The following PHF2 variants were observed in gnomAD, a reference collection of about 807,000 sequenced individuals.
PHF2 encodes the protein PHD finger protein 2.
A neutral mutation model predicts 120.5 loss-of-function variants in PHF2; 27 were observed. The observed-to-expected ratio is 0.22, with a 90% CI of 0.17 to 0.31. The LOEUF (loss-of-function observed/expected upper bound fraction) is 0.31. Ranked by LOEUF, PHF2 falls within the 10% of genes least tolerant of loss-of-function variation. PHF2 has a pLI of 1.00. For synonymous variants in PHF2, 568 were observed against 592.5 expected, an observed-to-expected ratio of 0.96 and a Z score of 0.60; for missense variants, 1,024 against 1,434.8, an observed-to-expected ratio of 0.71 and a Z score of 4.63.
At chr9:93,614,902 GTGA>G (rs1175294478) in intron 1 of PHF2, among the ~76,000 whole-genome samples, 3 of 150,894 alleles carry the variant, frequency 2.0e-5, no homozygotes, top group East Asian at 2.0e-4. Context: ...GGTAATGATG[GTGA>G]TGATGGTGAT....
chr9:93,615,386 AGT>A (rs150911430), intron 1 of PHF2, among the ~76,000 whole-genome samples: 2,793 of 152,084 alleles, frequency 0.018, 76 homozygotes, highest in East Asian at 0.1. Flanking sequence ...TGATGGTGAC[AGT>A]GATGATGATG....
chr9:93,630,125 G>A, intron 2 of PHF2, 70 bp downstream of exon 2: 1 of 1,468,736 alleles, frequency 6.8e-7, no homozygotes, highest in Non-Finnish European at 9.5e-7. Flanking sequence ...GGGCTGCGTG[G>A]AGGGTGAGGT....
intron 15 of PHF2, 23 bp downstream of exon 15, chr9:93,665,887 G>A (rs1449551971): frequency 6.2e-7 from 1 of 1,612,918 alleles, no homozygotes; most frequent in Admixed American, 1.7e-5. Context: ...GGGGTGTTGG[G>A]GGAGGGGTGT....
At chr9:93,668,475 C>T (rs1372846387) in intron 17 of PHF2, among the ~76,000 whole-genome samples, 2 of 152,020 alleles carry the variant, frequency 1.3e-5, no homozygotes, top group African/African-American at 2.4e-5. Flanking sequence ...AGGCCCCTCC[C>T]GAGGTCCATG....
chr9:93,581,861 A>C (rs1034806008), intron 1 of PHF2, among the ~76,000 whole-genome samples: 2 of 152,066 alleles, frequency 1.3e-5, no homozygotes, highest in African/African-American at 4.8e-5. Flanking sequence ...TAAAAGAGTG[A>C]GTTTTTCTGG....
intron 3 of PHF2, among the ~76,000 whole-genome samples, chr9:93,640,989 G>A (rs1417183259): frequency 2.0e-5 from 3 of 152,294 alleles, no homozygotes; most frequent in African/African-American, 7.2e-5. Flanking sequence ...GTCTGTGTCT[G>A]CAGCTCTCTC....
At chr9:93,589,862 G>A (rs1216355112) in intron 1 of PHF2, among the ~76,000 whole-genome samples, 1 of 152,128 alleles carries the variant, frequency 6.6e-6, no homozygotes, top group African/African-American at 2.4e-5. Flanking sequence ...CACACAAACA[G>A]CAGTGCGCTG....
chr9:93,663,008 G>A lies in PHF2; in HGVS notation c.1800G>A (p.Glu600=), dbSNP rs1438968780. ...GAGAGCAAACCAAGAGCAAGTCAGA[G>A]GCCAAGTGGAAGTACAAGGTGAGAA... ...EIREQTKSKS[E]AKWKYKNSKP... The change falls in exon 13 of 22, where the codon GAG becomes GAA. Residue 600 remains glutamate (E), a synonymous_variant. Coordinates refer to ENST00000359246, the MANE Select transcript of PHF2 (RefSeq NM_005392.4). 8 of 1,614,166 alleles carry A rather than the reference G, an allele frequency of 5.0e-6. No homozygotes were observed. Among genetic ancestry groups the A allele is most frequent in the Non-Finnish European group, 6.8e-6 (8 of 1,180,010 alleles).
Position 93,658,226 on chromosome 9 carries a change from C to T in PHF2, c.1229C>T (p.Thr410Met), listed in dbSNP as rs745390751. The T allele has an allele frequency of 2.3e-5, 37 of 1,611,002 alleles. No homozygotes were observed. The Admixed American group carries it at 3.8e-4, about 17-fold the overall frequency. The change falls in exon 10 of 22, where the codon ACG becomes ATG. Residue 410 changes from threonine (T) to methionine (M), a missense_variant. Physicochemically the swap from Thr to Met is moderately conservative, Grantham distance 81. Coordinates refer to ENST00000359246, the MANE Select transcript of PHF2 (RefSeq NM_005392.4). ...CTCAATGGTGCTTTCCGATCGTGGA[C>T]GAAGAAGCAGGTAGGAATCATGTCA... ...KILNGAFRSW[T>M]KKQALAEHED...
At chr9:93,649,246 G>C (rs41305607) in intron 5 of PHF2, 34 bp downstream of exon 5, 1 of 1,537,302 alleles carries the variant, frequency 6.5e-7, no homozygotes. Flanking sequence ...GTGGGGGCTG[G>C]GGTTGGGGCA....
intron 1 of PHF2, among the ~76,000 whole-genome samples, chr9:93,603,598 C>A (rs1205422388): frequency 6.6e-6 from 1 of 152,118 alleles, no homozygotes; most frequent in Admixed American, 6.5e-5. Context: ...CGATGCAGAC[C>A]TTATGGGGCC....
At chr9:93,580,342 TG>T (rs922846992) in intron 1 of PHF2, among the ~76,000 whole-genome samples, 1 of 152,196 alleles carries the variant, frequency 6.6e-6, no homozygotes, top group African/African-American at 2.4e-5. Context: ...CTGCCTCATT[TG>T]GTGGGGATGT....
intron 1 of PHF2, among the ~76,000 whole-genome samples, chr9:93,585,462 G>T (rs1188184447): frequency 6.6e-6 from 1 of 152,252 alleles, no homozygotes; most frequent in Non-Finnish European, 1.5e-5. Flanking sequence ...CAGCCGCTCT[G>T]TGTGGGCAGC....
chr9:93,634,935 A>G (rs1826065351), intron 2 of PHF2, among the ~76,000 whole-genome samples: 2 of 152,214 alleles, frequency 1.3e-5, no homozygotes, highest in African/African-American at 4.8e-5. Context: ...GTGCCAACCT[A>G]CATCCCACAG....
At chr9:93,580,265 G>T (rs1245574330) in intron 1 of PHF2, among the ~76,000 whole-genome samples, 1 of 152,244 alleles carries the variant, frequency 6.6e-6, no homozygotes, top group Non-Finnish European at 1.5e-5. Flanking sequence ...ACCTGGGAGG[G>T]ATGGATTTTT....
At chr9:93,673,057 A>G (rs1235295139) in intron 17 of PHF2, among the ~76,000 whole-genome samples, 1 of 151,824 alleles carries the variant, frequency 6.6e-6, no homozygotes, top group East Asian at 1.9e-4. Flanking sequence ...CACTGGGGAA[A>G]GCGTGTGCCA....
In PHF2 at chr9:93,656,216, G is replaced by A. The variant is rs924993783; in HGVS notation, c.1040+195G>A. 3.3e-5 allele frequency among the ~76,000 whole-genome samples: 5 copies of A among 152,148 alleles called. No homozygotes were observed. Among genetic ancestry groups the A allele is most frequent in the African/African-American group, 9.7e-5 (4 of 41,432 alleles). ...GGTGGGCCCTGGGTTCATGCAGGCCGGCTCCTCAAGGGACCTGGCTGCTGG... is the reference window on the plus strand; with the variant it reads ...GGTGGGCCCTGGGTTCATGCAGGCCAGCTCCTCAAGGGACCTGGCTGCTGG... On this transcript the variant is annotated intron_variant, in intron 8 of 21. Transcript: ENST00000359246. This position sits in a 1 kb window ranked among gnomAD's most constrained non-coding sequence, Gnocchi z 4.1.
At chr9:93,651,215 G>A (rs1320731082) in intron 5 of PHF2, among the ~76,000 whole-genome samples, 2 of 152,136 alleles carry the variant, frequency 1.3e-5, no homozygotes, top group Non-Finnish European at 1.5e-5. Flanking sequence ...TATTGCTTTG[G>A]TACCAAACAA....
intron 20 of PHF2, 127 bp from the exon 21 acceptor site, chr9:93,676,466 GC>G: frequency 8.7e-7 from 1 of 1,155,400 alleles, no homozygotes; most frequent in South Asian, 1.6e-5. Context: ...CCAGAGTCAG[GC>G]CTCAGGCCCC....
Sources: allele counts gnomAD v4.1 joint callset (sites outside exome capture counted in the v4.1 genomes callset), GRCh38; gene constraint gnomAD v4.1.1; non-coding constraint Gnocchi (gnomAD v3.1); transcripts MANE v1.5; gene names NCBI Gene and HGNC (gene_info 2026-07-23, HGNC 2026-07-21).